DOCK11: variants seen among roughly 807,000 people sequenced by gnomAD.
DOCK11 encodes dedicator of cytokinesis protein 11.
Under a neutral mutation model 169.1 loss-of-function variants are expected in DOCK11, and 70 were observed. That is an observed-to-expected ratio of 0.41 (90% CI 0.34 to 0.51). The LOEUF is 0.51. DOCK11 is among the 20% of genes least tolerant of loss of function. The pLI, the probability that DOCK11 is intolerant of heterozygous loss-of-function variation, is 0.10. For missense variants in DOCK11, 1,166 were observed against 1,538.8 expected, an observed-to-expected ratio of 0.76 and a Z score of 4.05; for synonymous variants, 529 against 541.3, an observed-to-expected ratio of 0.98 and a Z score of 0.32.
At chrX:118,606,163 G>A (rs756208428) in intron 24 of DOCK11, among the ~76,000 whole-genome samples, 15 of 97,906 alleles carry the variant, frequency 1.5e-4, no homozygotes, top group Non-Finnish European at 2.8e-4. Flanking sequence ...TTCGCCTCCC[G>A]GGTTCAAGCG....
At chrX:118,596,143 A>G (rs1021907290) in intron 20 of DOCK11, among the ~76,000 whole-genome samples, 1 of 112,075 alleles carries the variant, frequency 8.9e-6, no homozygotes, top group Non-Finnish European at 1.9e-5. Flanking sequence ...TCATTTTCCT[A>G]TTTTCTGGGC....
intron 7 of DOCK11, among the ~76,000 whole-genome samples, chrX:118,565,098 GC>G (rs2013038883): frequency 1.2e-5 from 1 of 86,906 alleles, no homozygotes; most frequent in South Asian, 7.2e-4. Context: ...ATCACGCCTG[GC>G]TATTTTTTTT....
chrX:118,638,581 A>C (rs2147509546), intron 37 of DOCK11, among the ~76,000 whole-genome samples: 1 of 112,441 alleles, frequency 8.9e-6, no homozygotes, highest in Admixed American at 9.5e-5. Flanking sequence ...TACTTAAGGA[A>C]ATATTTGAGA....
intron 26 of DOCK11, 35 bp from the exon 27 acceptor site, chrX:118,609,243 G>A: frequency 9.2e-7 from 1 of 1,091,250 alleles, no homozygotes; most frequent in Non-Finnish European, 1.3e-6. Flanking sequence ...CAGAGATTTG[G>A]TAACCGTTAA....
Position 118,496,083 on chromosome X carries a change from C to A in DOCK11, c.102+10C>A. 1 of 1,002,220 alleles carries A rather than the reference C, an allele frequency of 1.0e-6. No individual in the cohort carries two copies. Among genetic ancestry groups the A allele is most frequent in the South Asian group, 3.2e-5 (1 of 31,647 alleles). The allele number at this position is 1,002,220 out of a possible 1,213,427, so 82.6% of individuals were successfully genotyped here. ...GGGCTCCGTGGTGCTGGTGAGTGGC[C>A]GGGGGACGGGGCATCCCGGGGGACG... On this transcript the variant is annotated intron_variant, in intron 1 of 52. Transcript: ENST00000276202.
At chrX:118,628,559 A>G (rs748096736) in intron 34 of DOCK11, among the ~76,000 whole-genome samples, 2 of 112,576 alleles carry the variant, frequency 1.8e-5, no homozygotes, top group Non-Finnish European at 3.7e-5. Context: ...CAAGTTTAAA[A>G]TATCTAATGT....
At chrX:118,648,126 T>A (rs1190938318) in intron 40 of DOCK11, among the ~76,000 whole-genome samples, 1 of 76,568 alleles carries the variant, frequency 1.3e-5, no homozygotes, top group East Asian at 3.7e-4. Flanking sequence ...ATTGTAATAT[T>A]ATATAATATA....
chrX:118,502,664 A>G (rs1212145372), intron 1 of DOCK11, among the ~76,000 whole-genome samples: 1 of 111,572 alleles, frequency 9.0e-6, no homozygotes, highest in Non-Finnish European at 1.9e-5. Flanking sequence ...AAATAGTAGT[A>G]CCTCCCTTGT....
rs1188415608 is a variant in DOCK11, at chrX:118,546,057, A to G, written c.499A>G (p.Ile167Val). 3 of 1,208,978 alleles carry G rather than the reference A, an allele frequency of 2.5e-6. No individual in the cohort carries two copies. The highest frequency in any genetic ancestry group is 3.5e-5 in the South Asian group (2 of 56,734). Residue 167 changes from isoleucine (I) to valine (V), a missense_variant, in exon 6 of 53, where the codon ATA becomes GTA. Physicochemically the swap from Ile to Val is conservative, Grantham distance 29 (BLOSUM62 3). Coordinates refer to ENST00000276202, the MANE Select transcript of DOCK11 (RefSeq NM_144658.4). ...TTTATGTTCTCAGAAGGGTGGTGTG[A>G]TAAAACAAGGCTGGTTGCATAAAGC... ...SSLCSQKGGV[I>V]KQGWLHKANV...
intron 45 of DOCK11, among the ~76,000 whole-genome samples, chrX:118,670,475 G>A (rs1033274701): frequency 1.3e-4 from 14 of 110,674 alleles, no homozygotes; most frequent in Non-Finnish European, 1.9e-4. Flanking sequence ...ACCATCAGTC[G>A]GGAAGTGTTC....
chrX:118,516,912 G>A (rs1236364703), intron 1 of DOCK11, among the ~76,000 whole-genome samples: 1 of 111,134 alleles, frequency 9.0e-6, no homozygotes, highest in Non-Finnish European at 1.9e-5. Flanking sequence ...GACCTCAGAG[G>A]CTTGTTGCAA....
rs1201474821 is a variant in DOCK11 at position 118,588,157 on chromosome X, G to A, written c.1816G>A (p.Val606Met). The A allele has an allele frequency of 2.5e-6, 3 of 1,189,517 alleles. No individual in the cohort carries two copies. The highest frequency in any genetic ancestry group is 3.4e-6 in the Non-Finnish European group (3 of 887,367). ...DLSNCITSSY[V>M]PLKPFEKNCQ... Reference sequence around the variant, plus strand: ...TATAGATTGTATTACTTCTTCATATGTGCCCTTGAAGCCTTTTGAAAAGAA... The same window carrying A: ...TATAGATTGTATTACTTCTTCATATATGCCCTTGAAGCCTTTTGAAAAGAA... Residue 606 changes from valine to methionine, a missense_variant, in exon 17 of 53, where the codon GTG becomes ATG. Physicochemically the swap from Val to Met is conservative, Grantham distance 21. Transcript: ENST00000276202.
At chrX:118,516,087 CTTTT>C (rs1300617761) in intron 1 of DOCK11, among the ~76,000 whole-genome samples, 5 of 63,707 alleles carry the variant, frequency 7.8e-5, no homozygotes, top group Non-Finnish European at 1.4e-4. Flanking sequence ...CTTTTCTTTT[CTTTT>C]TCTTTTTTTT....
chrX:118,685,947 C>A lies in DOCK11; in HGVS notation c.*140C>A. 1.3e-6 allele frequency: 1 copy of A among 797,356 alleles called. No individual in the cohort carries two copies. Among genetic ancestry groups the A allele is most frequent in the Non-Finnish European group, 1.7e-6 (1 of 587,875 alleles). The allele number at this position is 797,356 out of a possible 1,213,427, so 65.7% of individuals were successfully genotyped here. On this transcript the variant is annotated 3_prime_UTR_variant, in exon 53 of 53. Transcript: ENST00000276202. ...AATTTTCATGTGTTCCAACAGGGTG[C>A]TTACATATTTGTAAATAAGCAACTT...
At chrX:118,532,336 T>C (rs1402847512) in intron 1 of DOCK11, among the ~76,000 whole-genome samples, 1 of 111,204 alleles carries the variant, frequency 9.0e-6, no homozygotes, top group Non-Finnish European at 1.9e-5. Context: ...GCTGTAAGCT[T>C]AATTGAACTT....
intron 1 of DOCK11, among the ~76,000 whole-genome samples, chrX:118,539,004 G>A (rs1444326401): frequency 9.0e-6 from 1 of 111,280 alleles, no homozygotes; most frequent in African/African-American, 3.3e-5. Context: ...GGAAATGCAG[G>A]GTTCAGTCCC....
intron 46 of DOCK11, among the ~76,000 whole-genome samples, chrX:118,672,735 T>C (rs946456775): frequency 7.1e-5 from 8 of 113,217 alleles, no homozygotes; most frequent in African/African-American, 2.6e-4. Context: ...GTGCCCGGCC[T>C]GGCCATGTAT....
chrX:118,514,234 C>A lies in DOCK11; in HGVS notation c.102+18161C>A, dbSNP rs1440153391. On this transcript the variant is annotated intron_variant, in intron 1 of 52. Transcript: ENST00000276202. ...GCCTGGACTGTAAGTTTCCTGAGGC[C>A]CCCCCCATCAATGCTGAACTGTGAG... Among the ~76,000 whole-genome samples, 3 of 109,340 alleles carry A rather than the reference C, an allele frequency of 2.7e-5. No individual in the cohort carries two copies. In the Admixed American group the frequency reaches 2.9e-4, roughly 11 times the overall value. The allele number at this position is 109,340 out of a possible 115,157, so 94.9% of individuals were successfully genotyped here.
Position 118,630,421 on chromosome X carries a change from C to A in DOCK11, c.3817C>A (p.Arg1273Ser), listed in dbSNP as rs201197807. 1.2e-5 allele frequency: 15 copies of A among 1,209,084 alleles called. No homozygotes were observed. The South Asian group carries it at 2.6e-4, about 21-fold the overall frequency. Reference protein sequence around the residue: ...STRSSVSQYNRLDQYEIRSLL... With the variant: ...STRSSVSQYNSLDQYEIRSLL... ...AAGGAGTAGTGTATCCCAGTATAACCGCCTGGATCAGTATGAAATCAGAAG... is the reference window on the plus strand; with the variant it reads ...AAGGAGTAGTGTATCCCAGTATAACAGCCTGGATCAGTATGAAATCAGAAG... The change falls in exon 35 of 53, where the codon CGC becomes AGC. Residue 1273 changes from arginine to serine, a missense_variant. Transcript: ENST00000276202.
Sources: allele counts gnomAD v4.1 joint callset (sites outside exome capture counted in the v4.1 genomes callset), GRCh38; gene constraint gnomAD v4.1.1; transcripts MANE v1.5; gene names NCBI Gene and HGNC (gene_info 2026-07-23, HGNC 2026-07-21).